DOCK7: variants seen among roughly 807,000 people sequenced by gnomAD.
DOCK7 encodes the protein dedicator of cytokinesis protein 7.
In DOCK7, 138 loss-of-function variants were observed where a neutral mutation model predicts 271.0. The observed-to-expected ratio is 0.51, with a 90% CI of 0.44 to 0.59. The LOEUF (loss-of-function observed/expected upper bound fraction) is 0.59. Ranked by LOEUF, DOCK7 falls within the 20% of genes least tolerant of loss-of-function variation. The pLI, the probability that DOCK7 is intolerant of heterozygous loss-of-function variation, is 0.00. For synonymous variants in DOCK7, 823 were observed against 876.1 expected, an observed-to-expected ratio of 0.94 and a Z score of 1.07; for missense variants, 2,066 against 2,592.4, an observed-to-expected ratio of 0.80 and a Z score of 4.41.
chr1:62,513,644 A>C, intron 32 of DOCK7, 38 bp from the exon 33 acceptor site: 1 of 1,602,604 alleles, frequency 6.2e-7, no homozygotes, highest in Non-Finnish European at 8.5e-7. Context: ...GGTATTGAGG[A>C]AATTTTCTTC....
chr1:62,623,136 C>T (rs535732370), intron 12 of DOCK7, among the ~76,000 whole-genome samples: 9 of 152,208 alleles, frequency 5.9e-5, no homozygotes, highest in African/African-American at 1.7e-4. Context: ...AGACAGTAAT[C>T]GCTCATAAAC....
At chr1:62,481,008 CAAAAAA>C (rs35993847) in intron 43 of DOCK7, among the ~76,000 whole-genome samples, 3 of 94,662 alleles carry the variant, frequency 3.2e-5, no homozygotes, top group Admixed American at 2.8e-4. Flanking sequence ...GACTCCGTCT[CAAAAAA>C]AAAAAAAAAA....
intron 18 of DOCK7, among the ~76,000 whole-genome samples, chr1:62,564,656 G>C (rs879602189): frequency 6.6e-6 from 1 of 152,078 alleles, no homozygotes; most frequent in South Asian, 2.1e-4. Flanking sequence ...AGAAGCAAGA[G>C]TAAATAAAGT....
chr1:62,455,468 A>G lies in DOCK7; in HGVS notation c.6381-12T>C. On this transcript the variant is annotated splice_polypyrimidine_tract_variant and intron_variant, in intron 49 of 49. Coordinates refer to ENST00000635253, the MANE Select transcript of DOCK7 (RefSeq NM_001367561.1). ...GACTGAAGGAATCTCTGGGAAAAAA[A>G]TGAGAGGACATAGTTAGTTAAAGAG... 1 of 1,613,160 alleles carries G rather than the reference A, an allele frequency of 6.2e-7. No homozygotes were observed. The highest frequency in any genetic ancestry group is 1.1e-5 in the South Asian group (1 of 91,042).
chr1:62,655,570 G>C (rs895479189), intron 2 of DOCK7, among the ~76,000 whole-genome samples: 7 of 151,920 alleles, frequency 4.6e-5, no homozygotes, highest in African/African-American at 1.5e-4. Context: ...GATTACAGGC[G>C]TGAGCTACCA....
In DOCK7 at chr1:62,625,355, G is replaced by A; in HGVS notation, c.1329C>T (p.Gly443=). 1 of 1,613,342 alleles carries A rather than the reference G, an allele frequency of 6.2e-7. No individual in the cohort carries two copies. Among genetic ancestry groups the A allele is most frequent in the Non-Finnish European group, 8.5e-7 (1 of 1,179,570 alleles). ...TTGTTGTCCTTTCAAGTGATCGTCT[G>A]CCAACAATACTAGAATTCCTCCTCT... The part of the protein sequence containing the change: ...WSERRNSSIV[G]RRSLERTTSG... Residue 443 remains glycine, a synonymous_variant, in exon 12 of 50, where the codon GGC becomes GGT. Transcript: ENST00000635253.
chr1:62,583,124 G>A (rs1468466040), intron 16 of DOCK7, 60 bp downstream of exon 16: 1 of 1,346,540 alleles, frequency 7.4e-7, no homozygotes, highest in African/African-American at 1.4e-5. Flanking sequence ...ACACTAATGT[G>A]AGTGCTAACA....
chr1:62,564,287 C>T (rs983237216), intron 18 of DOCK7, among the ~76,000 whole-genome samples: 1 of 152,166 alleles, frequency 6.6e-6, no homozygotes, highest in African/African-American at 2.4e-5. Context: ...CCTCATCACA[C>T]TTATTCTAAA....
chr1:62,457,644 T>G lies in DOCK7; in HGVS notation c.6274A>C (p.Arg2092=), dbSNP rs1645385005. 1.2e-6 allele frequency: 2 copies of G among 1,614,102 alleles called. No individual in the cohort carries two copies. Among genetic ancestry groups the G allele is most frequent in the Admixed American group, 3.3e-5 (2 of 60,002 alleles). The part of the protein sequence containing the change: ...LIGPDQKEYQ[R]ELERNYHRLK... ...CGATGATAGTTTCTCTCCAGTTCCC[T>G]TTGATACTCCTTTTGATCCGGCCCA... The change falls in exon 49 of 50, where the codon AGG becomes CGG. Residue 2092 remains arginine, a synonymous_variant. Coordinates refer to ENST00000635253, the MANE Select transcript of DOCK7 (RefSeq NM_001367561.1).
chr1:62,645,587 G>T (rs537351264), intron 7 of DOCK7, among the ~76,000 whole-genome samples: 3 of 152,194 alleles, frequency 2.0e-5, no homozygotes, highest in Admixed American at 6.5e-5. Flanking sequence ...GATGATGAAA[G>T]AACTCTAAAA....
At chr1:62,507,855 T>C (rs1646987856) in intron 35 of DOCK7, 107 bp downstream of exon 35, 13 of 981,588 alleles carry the variant, frequency 1.3e-5, no homozygotes, top group Non-Finnish European at 1.8e-5. Flanking sequence ...TTTTAGGAAC[T>C]ACCAATATTT....
chr1:62,513,918 G>C lies in DOCK7; in HGVS notation c.3937-20C>G. ...GCCACTCTGAAAATAAAGAGCAGTA[G>C]AATGAGACAGATTGATCAAAGACCA... On this transcript the variant is annotated intron_variant, in intron 31 of 49. Transcript: ENST00000635253. 1 of 1,594,314 alleles carries C rather than the reference G, an allele frequency of 6.3e-7. No homozygotes were observed. The highest frequency in any genetic ancestry group is 1.7e-4 in the Middle Eastern group (1 of 5,962).
chr1:62,597,090 G>A (rs907320172), intron 14 of DOCK7, among the ~76,000 whole-genome samples: 1 of 152,120 alleles, frequency 6.6e-6, no homozygotes, highest in Non-Finnish European at 1.5e-5. Context: ...AGGCTTCAGA[G>A]AGAAAGTGTT....
In DOCK7 at chr1:62,537,888, T is replaced by C. The variant is rs1290869695; in HGVS notation, c.3471+3A>G. On this transcript the variant is annotated splice_donor_region_variant and intron_variant, in intron 28 of 49. Coordinates refer to ENST00000635253, the MANE Select transcript of DOCK7 (RefSeq NM_001367561.1). ...TATATGTATATTCACACAATTTGCA[T>C]ACCTGAGATGTTGCAGAAGAAACAG... 2.5e-6 allele frequency: 4 copies of C among 1,611,512 alleles called. No individual in the cohort carries two copies. The highest frequency in any genetic ancestry group is 2.5e-6 in the Non-Finnish European group (3 of 1,178,314).
chr1:62,604,795 C>T, intron 14 of DOCK7: 1 of 1,612,980 alleles, frequency 6.2e-7, no homozygotes, highest in South Asian at 1.1e-5. Flanking sequence ...ATCCATCCAA[C>T]AGATTCAGAA....
rs376606630 is a variant in DOCK7 at position 62,680,501 on chromosome 1, C to A, written c.38+7726G>T. ...GGGCAAGGACTTCATGTCTAAAACA[C>A]CAAAAGCAATGGCAACAAAAGCCAA... On this transcript the variant is annotated intron_variant, in intron 1 of 49. Transcript: ENST00000635253. Among the ~76,000 whole-genome samples the A allele has an allele frequency of 9.6e-3, 1,443 of 150,750 alleles. 19 individuals carry two copies. Among genetic ancestry groups the A allele is most frequent in the African/African-American group, 0.022 (905 of 40,836 alleles).
intron 18 of DOCK7, among the ~76,000 whole-genome samples, chr1:62,573,216 A>G (rs1646841561): frequency 6.6e-6 from 1 of 152,228 alleles, no homozygotes. Flanking sequence ...CAAGAAAAGA[A>G]AAGAGAAAAT....
chr1:62,474,564 G>A (rs1417504900), intron 47 of DOCK7, among the ~76,000 whole-genome samples: 1 of 149,558 alleles, frequency 6.7e-6, no homozygotes, highest in African/African-American at 2.4e-5. Flanking sequence ...AATCGTGCAT[G>A]TTTCTAAGAG....
intron 18 of DOCK7, among the ~76,000 whole-genome samples, chr1:62,574,253 TA>T (rs772412702): frequency 1.3e-5 from 2 of 152,152 alleles, no homozygotes; most frequent in Non-Finnish European, 2.9e-5. Context: ...AGAACATCAT[TA>T]AAGTTTGGAA....
Sources: gnomAD v4.1 joint callset for allele counts (sites outside exome capture counted in the v4.1 genomes callset) on GRCh38, gnomAD v4.1.1 for gene constraint, MANE v1.5 for transcripts, NCBI Gene and HGNC (gene_info 2026-07-23, HGNC 2026-07-21) for gene names.